Variants in TCFL5 observed in about 807,000 individuals in gnomAD.
TCFL5 encodes transcription factor-like 5 protein.
TCFL5 carries 9 observed loss-of-function variants against 44.3 expected under a neutral mutation model. The observed-to-expected ratio is 0.20, with a 90% confidence interval of 0.12 to 0.35. The LOEUF (loss-of-function observed/expected upper bound fraction) is 0.35. TCFL5 is among the 10% of genes least tolerant of loss of function. The probability of loss-of-function intolerance (pLI) is 1.00; values close to 1 mark genes in which losing one functional copy is unlikely to be tolerated. For missense variants in TCFL5, 603 were observed against 613.4 expected, an observed-to-expected ratio of 0.98 and a Z score of 0.18; for synonymous variants, 319 against 271.6, an observed-to-expected ratio of 1.17 and a Z score of -1.72.
At chr20:62,856,252 C>CAAAAAAAAAAAAA (rs11473595) in intron 4 of TCFL5, among the ~76,000 whole-genome samples, 1 of 63,818 alleles carries the variant, frequency 1.6e-5, no homozygotes, top group Non-Finnish European at 3.0e-5. Flanking sequence ...GACTCCGTCT[C>CAAAAAAAAAAAAA]AAAAAAAAAA....
rs186683192 is a variant in TCFL5, at chr20:62,850,058, G to C, written c.1380+3958C>G. On this transcript the variant is annotated intron_variant, in intron 5 of 5. Transcript: ENST00000335351. The stretch of plus-strand genomic sequence containing the variant: ...AAATCTGAATAGTCTGTGCATTAGA[G>C]GATATGAAAAAGACTTATTATCTTG... 5.3e-5 allele frequency among the ~76,000 whole-genome samples: 8 copies of C among 152,274 alleles called. No individual in the cohort carries two copies. The East Asian group carries it at 9.6e-4, about 18-fold the overall frequency.
intron 5 of TCFL5, among the ~76,000 whole-genome samples, chr20:62,848,543 G>A (rs1432252335): frequency 6.6e-6 from 1 of 152,154 alleles, no homozygotes; most frequent in Non-Finnish European, 1.5e-5. Flanking sequence ...ATCGAGACCA[G>A]CCTGGCCAAC....
At chr20:62,857,124 C>T (rs911359567) in intron 4 of TCFL5, among the ~76,000 whole-genome samples, 3 of 152,214 alleles carry the variant, frequency 2.0e-5, no homozygotes, top group Non-Finnish European at 4.4e-5. Flanking sequence ...TCTCCCCACG[C>T]GCCTTTGCTG....
chr20:62,859,707 T>TTTTTTG (rs954162194), intron 2 of TCFL5, among the ~76,000 whole-genome samples, 181 bp from the exon 3 acceptor site: 3 of 147,188 alleles, frequency 2.0e-5, no homozygotes, highest in African/African-American at 7.9e-5. Flanking sequence ...TCACAGGTAT[T>TTTTTTG]TTTTTGTTTT....
At position 62,860,257 on chromosome 20, in the gene TCFL5, C is replaced by T. The variant is rs775373276; in HGVS notation, c.699G>A (p.Gln233=). 30 of 1,613,490 alleles carry T rather than the reference C, an allele frequency of 1.9e-5. No homozygotes were observed. Among genetic ancestry groups the T allele is most frequent in the Non-Finnish European group, 2.4e-5 (28 of 1,179,636 alleles). ...CTAATGCTGTACATTTGTTTTGTTG[C>T]TGAAGAGGAACATTCATTAGTTCAG... ...HPSELMNVPL[Q]QQNKCTALVK... The change falls in exon 2 of 6, where the codon CAG becomes CAA. Residue 233 remains glutamine, a synonymous_variant. Transcript: ENST00000335351.
chr20:62,844,261 T>C (rs1364790550), intron 5 of TCFL5, among the ~76,000 whole-genome samples: 3 of 152,260 alleles, frequency 2.0e-5, no homozygotes, highest in African/African-American at 7.2e-5. Flanking sequence ...TGTTTTTGAA[T>C]AGCCATCCTA....
intron 5 of TCFL5, chr20:62,852,948 G>A (rs2063832396): frequency 1.0e-5 from 13 of 1,287,424 alleles, no homozygotes; most frequent in Non-Finnish European, 1.3e-5. Context: ...CAGAAGTATA[G>A]TCACCTAGTC....
In TCFL5 at chr20:62,842,385, T is replaced by G. The variant is rs573950126; in HGVS notation, c.1381-288A>C. Among the ~76,000 whole-genome samples, 1 of 152,316 alleles carries G rather than the reference T, an allele frequency of 6.6e-6. No homozygotes were observed. Among genetic ancestry groups the G allele is most frequent in the East Asian group, 1.9e-4 (1 of 5,192 alleles). On this transcript the variant is annotated intron_variant, in intron 5 of 5. Coordinates refer to ENST00000335351, the MANE Select transcript of TCFL5 (RefSeq NM_006602.4). This position sits in a 1 kb window ranked among gnomAD's most constrained non-coding sequence, Gnocchi z 4.3. ...TGATTTTATTGTGGTAAAATATACATGACATGAACGTTTCAACCGCTAATG... is the reference window on the plus strand; with the variant it reads ...TGATTTTATTGTGGTAAAATATACAGGACATGAACGTTTCAACCGCTAATG...
intron 5 of TCFL5, chr20:62,852,203 A>G: frequency 1.0e-6 from 1 of 985,464 alleles, no homozygotes; most frequent in Non-Finnish European, 1.2e-6. Context: ...ATTCCCCAAC[A>G]GCTTGGACCA....
At chr20:62,857,872 G>A (rs544152931) in intron 3 of TCFL5, among the ~76,000 whole-genome samples, 4 of 151,938 alleles carry the variant, frequency 2.6e-5, no homozygotes, top group South Asian at 4.2e-4. Flanking sequence ...CACTAAATAC[G>A]TTTTCCAAGT....
chr20:62,861,608 GGCCGCCTC>G lies in TCFL5; in HGVS notation c.55_62del (p.Glu19ArgfsTer49). 1 of 1,022,776 alleles carries G rather than the reference GGCCGCCTC, an allele frequency of 9.8e-7. No homozygotes were observed. Among genetic ancestry groups the G allele is most frequent in the Non-Finnish European group, 1.2e-6 (1 of 855,816 alleles). The allele number at this position is 1,022,776 out of a possible 1,614,324, so 63.4% of individuals were successfully genotyped here. A position where few individuals can be genotyped will look rare whatever the true frequency, so the allele number is the denominator to read the frequency against. ...CGTCCCCGCCGCCCGCGCCCTCGAC[GGCCGCCTC>G]GCCGCCTGCCGCGCCTGCCTCCGGC... On this transcript the variant is annotated frameshift_variant, in exon 1 of 6. Transcript: ENST00000335351. LOFTEE classifies it high-confidence loss of function. This position sits in a 1 kb window ranked among gnomAD's most constrained non-coding sequence, Gnocchi z 4.0.
intron 5 of TCFL5, among the ~76,000 whole-genome samples, chr20:62,851,190 C>T (rs537641565): frequency 4.6e-5 from 7 of 152,192 alleles, no homozygotes; most frequent in African/African-American, 1.7e-4. Flanking sequence ...CCATGTGTTT[C>T]GGCTTTTTAT....
chr20:62,861,318 G>A lies in TCFL5; in HGVS notation c.353C>T (p.Ala118Val). 2.6e-6 allele frequency: 3 copies of A among 1,154,546 alleles called. No individual in the cohort carries two copies. The highest frequency in any genetic ancestry group is 2.2e-5 in the South Asian group (1 of 45,704). The allele number at this position is 1,154,546 out of a possible 1,614,324, so 71.5% of individuals were successfully genotyped here. ...GAAGTCGATGTGGCCCAGGCAGGGCGCGTCGGCCGCCAGCGCGGACGGGCA... is the reference window on the plus strand; with the variant it reads ...GAAGTCGATGTGGCCCAGGCAGGGCACGTCGGCCGCCAGCGCGGACGGGCA... ...VLCPSALAAD[A>V]PCLGHIDFQE... Residue 118 changes from alanine (A) to valine (V), a missense_variant, in exon 1 of 6, where the codon GCG becomes GTG. Transcript: ENST00000335351. The surrounding 1 kb of genome is among the most constrained non-coding windows in gnomAD (Gnocchi z 4.0).
At chr20:62,852,816 GAGTCCACAAAGGTATAGTCAACC>G in intron 5 of TCFL5, 1 of 1,286,130 alleles carries the variant, frequency 7.8e-7, no homozygotes, top group Non-Finnish European at 1.0e-6. Context: ...TATATTCACC[GAGTCCACAAAGGTATAGTCAACC>G]AGTCCACAAA....
chr20:62,841,897 A>C lies in TCFL5; in HGVS notation c.*78T>G, dbSNP rs1412958874. ...TTTTCGAGTCAGACTAGCCGAGCAG[A>C]GCTCCAGGGTTGCAGAAGGCGTGCA... On this transcript the variant is annotated 3_prime_UTR_variant, in exon 6 of 6. Transcript: ENST00000335351. The C allele has an allele frequency of 1.3e-6, 2 of 1,571,186 alleles. No homozygotes were observed. The highest frequency in any genetic ancestry group is 2.8e-5 in the African/African-American group (2 of 71,696).
intron 5 of TCFL5, chr20:62,852,839 C>G (rs945729861): frequency 3.1e-6 from 4 of 1,289,508 alleles, no homozygotes; most frequent in Non-Finnish European, 4.0e-6. Flanking sequence ...TATAGTCAAC[C>G]AGTCCACAAA....
At chr20:62,855,728 T>A (rs2063878305) in intron 4 of TCFL5, among the ~76,000 whole-genome samples, 1 of 151,794 alleles carries the variant, frequency 6.6e-6, no homozygotes, top group Non-Finnish European at 1.5e-5. Context: ...ATCGTGCCAT[T>A]GCACTCCAGC....
At position 62,857,642 on chromosome 20, in the gene TCFL5, T is replaced by C. The variant is rs1322244543; in HGVS notation, c.995-4A>G. 6.2e-7 allele frequency: 1 copy of C among 1,607,110 alleles called. No homozygotes were observed. Among genetic ancestry groups the C allele is most frequent in the African/African-American group, 1.3e-5 (1 of 74,712 alleles). On this transcript the variant is annotated splice_region_variant and splice_polypyrimidine_tract_variant and intron_variant, in intron 3 of 5. Transcript: ENST00000335351. Reference sequence around the variant, plus strand: ...GCTTGTTTGCATAGCGCTGCTTCTTTGCGAAAGAAGAAAAAAGTGGTTTTT... The same window carrying C: ...GCTTGTTTGCATAGCGCTGCTTCTTCGCGAAAGAAGAAAAAAGTGGTTTTT...
intron 4 of TCFL5, 84 bp from the exon 5 acceptor site, chr20:62,854,241 G>A: frequency 1.3e-6 from 2 of 1,531,334 alleles, no homozygotes; most frequent in South Asian, 1.2e-5. Flanking sequence ...TAGTACTTGA[G>A]GGAACCAGAG....
Sources: allele counts gnomAD v4.1 joint callset (sites outside exome capture counted in the v4.1 genomes callset), GRCh38; gene constraint gnomAD v4.1.1; non-coding constraint Gnocchi (gnomAD v3.1); transcripts MANE v1.5; gene names NCBI Gene and HGNC (gene_info 2026-07-23, HGNC 2026-07-21).